BNIPL: variants seen among roughly 807,000 people sequenced by gnomAD.
BNIPL encodes the protein bcl-2/adenovirus E1B 19 kDa-interacting protein 2-like protein.
In BNIPL, 33 loss-of-function variants were observed where a neutral mutation model predicts 47.0. The ratio of observed to expected loss-of-function variants is 0.70; its 90% CI spans 0.53 to 0.94. The LOEUF is 0.94. Ranked by LOEUF, BNIPL falls within the 40% of genes least tolerant of loss-of-function variation. The probability of loss-of-function intolerance (pLI) is 0.00; values close to 1 mark genes in which losing one functional copy is unlikely to be tolerated. For synonymous variants in BNIPL, 145 were observed against 162.7 expected (o/e 0.89, Z 0.83); for missense variants, 404 against 445.2 (o/e 0.91, Z 0.83).
chr1:151,041,847 C>T (rs1468243103), intron 4 of BNIPL, among the ~76,000 whole-genome samples: 1 of 151,894 alleles, frequency 6.6e-6, no homozygotes, highest in Non-Finnish European at 1.5e-5. Context: ...TGGGGGCGTG[C>T]ACCTGTAGTA....
chr1:151,038,577 A>G lies in BNIPL; in HGVS notation c.202+9A>G, dbSNP rs759439289. On this transcript the variant is annotated intron_variant, in intron 3 of 9. Coordinates refer to ENST00000368931, the MANE Select transcript of BNIPL (RefSeq NM_138278.4). ...AGGAGATTCACAGGCAGGTAGGTCA[A>G]GTAGAAACCAGGCCTCAAGTTCTTG... is the stretch of plus-strand genomic sequence containing the variant. 3 of 1,611,778 alleles carry G rather than the reference A, an allele frequency of 1.9e-6. No homozygotes were observed. The highest frequency in any genetic ancestry group is 1.7e-5 in the Admixed American group (1 of 59,980).
At chr1:151,037,685 G>A (rs1273372824) in intron 2 of BNIPL, 23 bp downstream of exon 2, 2 of 1,557,974 alleles carry the variant, frequency 1.3e-6, no homozygotes, top group South Asian at 1.2e-5. Flanking sequence ...GAGGGTGGCT[G>A]GGAGAAGGGA....
chr1:151,040,795 C>CAA (rs202172688), intron 4 of BNIPL, among the ~76,000 whole-genome samples: 2 of 122,058 alleles, frequency 1.6e-5, no homozygotes, highest in African/African-American at 6.7e-5. Flanking sequence ...AACTCCATCT[C>CAA]AAAAAAAAAA....
intron 7 of BNIPL, chr1:151,045,427 C>T (rs587751367): frequency 6.6e-5 from 12 of 182,894 alleles, no homozygotes; most frequent in South Asian, 1.0e-4. Flanking sequence ...GGCACGGTGG[C>T]GGGCGCCTGT....
Position 151,036,722 on chromosome 1 carries a change from G to A in BNIPL, c.-4G>A. On this transcript the variant is annotated 5_prime_UTR_variant, in exon 1 of 10. Transcript: ENST00000368931. The stretch of plus-strand genomic sequence containing the variant: ...TAAAGAAGGAGGCAGGAAGACTTGT[G>A]AAGATGGGAACTATACAAGAGGCAG... 1 of 1,610,880 alleles carries A rather than the reference G, an allele frequency of 6.2e-7. No individual in the cohort carries two copies. The highest frequency in any genetic ancestry group is 8.5e-7 in the Non-Finnish European group (1 of 1,177,132).
chr1:151,042,497 T>C (rs1336902021), intron 4 of BNIPL, among the ~76,000 whole-genome samples: 49 of 152,064 alleles, frequency 3.2e-4, no homozygotes, highest in Admixed American at 3.2e-3. Context: ...CATTTAGGGA[T>C]ACGGCTAGAG....
intron 4 of BNIPL, among the ~76,000 whole-genome samples, chr1:151,042,503 T>C (rs587615034): frequency 6.6e-6 from 1 of 152,144 alleles, no homozygotes; most frequent in East Asian, 1.9e-4. Flanking sequence ...GGGATACGGC[T>C]AGAGTCAAAA....
At chr1:151,038,718 T>C (rs1190779106) in intron 3 of BNIPL, 78 bp from the exon 4 acceptor site, 12 of 1,551,460 alleles carry the variant, frequency 7.7e-6, no homozygotes, top group Non-Finnish European at 9.6e-6. Flanking sequence ...ATTATCACTT[T>C]CACATACAGG....
chr1:151,038,866 G>T lies in BNIPL; in HGVS notation c.273G>T (p.Glu91Asp). The change falls in exon 4 of 10, where the codon GAG becomes GAT. Residue 91 changes from glutamate (E) to aspartate (D), a missense_variant. Coordinates refer to ENST00000368931, the MANE Select transcript of BNIPL (RefSeq NM_138278.4). ...TGCGCAAGCGTCTTTCTGCCCCAGAGTTGCGGCTGAGTCTGACTAAGGGGC... is the reference window on the plus strand; with the variant it reads ...TGCGCAAGCGTCTTTCTGCCCCAGATTTGCGGCTGAGTCTGACTAAGGGGC... ...RPMRKRLSAPELRLSLTKGPG... is the reference protein window; with the variant it reads ...RPMRKRLSAPDLRLSLTKGPG... 6.2e-7 allele frequency: 1 copy of T among 1,614,002 alleles called. No homozygotes were observed. The highest frequency in any genetic ancestry group is 8.5e-7 in the Non-Finnish European group (1 of 1,179,920).
In BNIPL at chr1:151,047,690, G is replaced by A. The variant is rs587711835; in HGVS notation, c.*1003G>A. The A allele has an allele frequency of 2.4e-6, 3 of 1,274,256 alleles. No individual in the cohort carries two copies. In the South Asian group the frequency reaches 5.0e-5, roughly 21 times the overall value. The allele number at this position is 1,274,256 out of a possible 1,614,324, so 78.9% of individuals were successfully genotyped here. On this transcript the variant is annotated 3_prime_UTR_variant, in exon 10 of 10. Coordinates refer to ENST00000368931, the MANE Select transcript of BNIPL (RefSeq NM_138278.4). The stretch of plus-strand genomic sequence containing the variant: ...CAGAGGTTCCTTAGGAGCACCCCGC[G>A]CGGCCCGCGCGAGCGCGCCTGCGCG...
chr1:151,037,408 A>C (rs970981803), intron 1 of BNIPL, 159 bp from the exon 2 acceptor site: 2 of 1,354,312 alleles, frequency 1.5e-6, no homozygotes, highest in South Asian at 3.6e-5. Flanking sequence ...GCTTCTAGCA[A>C]GTGGTGAAGG....
chr1:151,044,764 C>T (rs587680860), intron 7 of BNIPL: 1 of 1,229,174 alleles, frequency 8.1e-7, no homozygotes, highest in Admixed American at 2.9e-5. Flanking sequence ...CCTGTGTCTT[C>T]TTTTCCTTCT....
intron 4 of BNIPL, among the ~76,000 whole-genome samples, chr1:151,042,282 A>AT (rs893105261): frequency 6.6e-6 from 1 of 151,680 alleles, no homozygotes; most frequent in Admixed American, 6.6e-5. Context: ...TAATTTTATT[A>AT]TTTTTTAAAT....
Position 151,046,761 on chromosome 1 carries a change from GT to G in BNIPL, c.*78del. 2 of 1,301,384 alleles carry G rather than the reference GT, an allele frequency of 1.5e-6. No homozygotes were observed. The highest frequency in any genetic ancestry group is 2.2e-6 in the Non-Finnish European group (2 of 922,790). The allele number at this position is 1,301,384 out of a possible 1,614,324, so 80.6% of individuals were successfully genotyped here. On this transcript the variant is annotated 3_prime_UTR_variant, in exon 10 of 10. Coordinates refer to ENST00000368931, the MANE Select transcript of BNIPL (RefSeq NM_138278.4). ...CCTGAATCCCTGAAACATCTGAACT[GT>G]TTTGTAAATCATCTTATCCCCAACC...
chr1:151,047,613 C>T lies in BNIPL; in HGVS notation c.*926C>T. The T allele has an allele frequency of 1.7e-6, 1 of 590,414 alleles. No individual in the cohort carries two copies. Among genetic ancestry groups the T allele is most frequent in the Non-Finnish European group, 2.8e-6 (1 of 355,398 alleles). The allele number at this position is 590,414 out of a possible 1,614,324, so 36.6% of individuals were successfully genotyped here. A position where few individuals can be genotyped will look rare whatever the true frequency, so the allele number is the denominator to read the frequency against. On this transcript the variant is annotated 3_prime_UTR_variant, in exon 10 of 10. Transcript: ENST00000368931. ...CTCTGCTCCAAAGAAGTGAACGACT[C>T]TTTCACCACCCCTTGCATCCCAAAC... is the stretch of plus-strand genomic sequence containing the variant.
rs1218021259 is a variant in BNIPL at position 151,036,761 on chromosome 1, T to C, written c.36T>C (p.Asp12=). ...GTIQEAGKKT[D]VGVREIAEAP... ...TACAAGAGGCAGGAAAAAAGACAGA[T>C]GTTGGGTAAGTAAGATCTTGGCTCA... Residue 12 remains aspartate (D), a synonymous_variant, in exon 1 of 10, where the codon GAT becomes GAC. Transcript: ENST00000368931. 6.2e-7 allele frequency: 1 copy of C among 1,609,874 alleles called. No homozygotes were observed. The highest frequency in any genetic ancestry group is 1.7e-5 in the Admixed American group (1 of 59,986).
chr1:151,041,078 G>A (rs933348371), intron 4 of BNIPL, among the ~76,000 whole-genome samples: 3 of 151,968 alleles, frequency 2.0e-5, no homozygotes, highest in African/African-American at 4.8e-5. Context: ...CCAGCTACTT[G>A]GGAGGCTGAG....
intron 7 of BNIPL, among the ~76,000 whole-genome samples, chr1:151,044,234 C>T (rs1474972266): frequency 1.3e-5 from 2 of 151,930 alleles, no homozygotes; most frequent in African/African-American, 4.8e-5. Flanking sequence ...ATCTGCCTGC[C>T]TCCACCTCCC....
chr1:151,038,498 C>T lies in BNIPL; in HGVS notation c.138-6C>T. The T allele has an allele frequency of 1.2e-6, 2 of 1,609,654 alleles. No homozygotes were observed. The highest frequency in any genetic ancestry group is 8.5e-7 in the Non-Finnish European group (1 of 1,175,942). On this transcript the variant is annotated splice_polypyrimidine_tract_variant and splice_region_variant and intron_variant, in intron 2 of 9. Coordinates refer to ENST00000368931, the MANE Select transcript of BNIPL (RefSeq NM_138278.4). ...GTCTGCCGCCTTTTAATCTCTTCCC[C>T]TCTAGATTGCTTCCTGAGGAGGCTG...
Sources: allele counts gnomAD v4.1 joint callset (sites outside exome capture counted in the v4.1 genomes callset), GRCh38; gene constraint gnomAD v4.1.1; transcripts MANE v1.5; gene names NCBI Gene and HGNC (gene_info 2026-07-23, HGNC 2026-07-21).